Variants in LAMC1 observed in about 807,000 individuals in gnomAD.
LAMC1 encodes laminin subunit gamma-1.
A neutral mutation model predicts 173.6 loss-of-function variants in LAMC1; 38 were observed. That is an observed-to-expected ratio of 0.22 (90% confidence interval 0.17 to 0.29). The LOEUF is 0.29. Ranked by LOEUF, LAMC1 falls within the 10% of genes least tolerant of loss-of-function variation. LAMC1 has a pLI of 1.00. For missense variants in LAMC1, 1,824 were observed against 2,051.8 expected, an observed-to-expected ratio of 0.89 and a Z score of 2.14; for synonymous variants, 746 against 749.1, an observed-to-expected ratio of 1.00 and a Z score of 0.07.
At chr1:183,039,700 T>G (rs1654074720) in intron 1 of LAMC1, among the ~76,000 whole-genome samples, 1 of 152,198 alleles carries the variant, frequency 6.6e-6, no homozygotes, top group South Asian at 2.1e-4. Flanking sequence ...ATGTCCACTT[T>G]AGAGCTTTTA....
chr1:183,103,820 G>C (rs1455129956), intron 2 of LAMC1, among the ~76,000 whole-genome samples, 188 bp downstream of exon 2: 1 of 152,164 alleles, frequency 6.6e-6, no homozygotes, highest in Non-Finnish European at 1.5e-5. Flanking sequence ...AAGTAGTTTT[G>C]TTCCTGCTGC....
At chr1:183,129,929 C>G (rs1027127408) in intron 18 of LAMC1, among the ~76,000 whole-genome samples, 1 of 152,044 alleles carries the variant, frequency 6.6e-6, no homozygotes, top group African/African-American at 2.4e-5. Context: ...CTAGTTTTTT[C>G]TGGGTTTTGA....
chr1:183,126,989 C>G (rs952495268), intron 16 of LAMC1, among the ~76,000 whole-genome samples: 4 of 152,182 alleles, frequency 2.6e-5, no homozygotes, highest in Non-Finnish European at 1.5e-5. Context: ...GCTAAGTAAC[C>G]TGAAGTGTGT....
chr1:183,049,758 C>G (rs931993265), intron 1 of LAMC1, among the ~76,000 whole-genome samples: 3 of 151,960 alleles, frequency 2.0e-5, no homozygotes, highest in Middle Eastern at 3.4e-3. Context: ...GCCACCATGC[C>G]AAGCCAAAAG....
At chr1:183,115,339 G>C (rs1255333102) in intron 5 of LAMC1, among the ~76,000 whole-genome samples, 181 bp from the exon 6 acceptor site, 7 of 152,128 alleles carry the variant, frequency 4.6e-5, no homozygotes, top group Non-Finnish European at 8.8e-5. Context: ...GACTTAAAGG[G>C]TCATGATTTT....
chr1:183,117,687 C>G lies in LAMC1; in HGVS notation c.1841C>G (p.Ser614Cys), dbSNP rs1252245313. Reference sequence around the variant, plus strand: ...GTACCCTTGATCGCTCAGGGCAATTCCTATCCAAGTGAGACCACTGTGAAG... The same window carrying G: ...GTACCCTTGATCGCTCAGGGCAATTGCTATCCAAGTGAGACCACTGTGAAG... ...VSVPLIAQGN[S>C]YPSETTVKYV... is the part of the protein sequence containing the mutation. The change falls in exon 10 of 28, where the codon TCC (serine) becomes TGC (cysteine). Residue 614 changes from serine to cysteine, a missense_variant. Coordinates refer to ENST00000258341, the MANE Select transcript of LAMC1 (RefSeq NM_002293.4). 1 of 1,614,070 alleles carries G rather than the reference C, an allele frequency of 6.2e-7. No individual in the cohort carries two copies. Among genetic ancestry groups the G allele is most frequent in the Non-Finnish European group, 8.5e-7 (1 of 1,180,040 alleles).
chr1:183,116,737 A>T (rs1169952810), intron 7 of LAMC1, 30 bp from the exon 8 acceptor site: 2 of 1,611,800 alleles, frequency 1.2e-6, no homozygotes, highest in Admixed American at 1.7e-5. Flanking sequence ...GTAAAAAAAA[A>T]GTAACTGATT....
chr1:183,064,540 T>C (rs1374022149), intron 1 of LAMC1, among the ~76,000 whole-genome samples: 1 of 152,176 alleles, frequency 6.6e-6, no homozygotes, highest in African/African-American at 2.4e-5. Context: ...AAAAGATTAA[T>C]AAAAACAAGT....
chr1:183,044,736 A>C (rs531292760), intron 1 of LAMC1, among the ~76,000 whole-genome samples: 9 of 152,098 alleles, frequency 5.9e-5, no homozygotes, highest in African/African-American at 2.2e-4. Flanking sequence ...ACTTTCCTTT[A>C]AGAACTGGAA....
chr1:183,031,961 C>T (rs1653860735), intron 1 of LAMC1, among the ~76,000 whole-genome samples: 1 of 151,608 alleles, frequency 6.6e-6, no homozygotes, highest in Admixed American at 6.6e-5. Flanking sequence ...TGTAAAAGGG[C>T]CCTGCTGGAA....
intron 1 of LAMC1, among the ~76,000 whole-genome samples, chr1:183,032,213 T>C (rs966835422): frequency 2.0e-5 from 3 of 152,188 alleles, no homozygotes; most frequent in Admixed American, 6.5e-5. Context: ...TACATATTCA[T>C]GAAATAAAAT....
intron 1 of LAMC1, among the ~76,000 whole-genome samples, chr1:183,026,021 A>G (rs1045869623): frequency 3.3e-5 from 5 of 152,228 alleles, no homozygotes; most frequent in African/African-American, 1.2e-4. Flanking sequence ...GGAGGCAGAT[A>G]TGTTAACTTT....
chr1:183,125,290 C>A, intron 14 of LAMC1, 107 bp from the exon 15 acceptor site: 1 of 1,223,932 alleles, frequency 8.2e-7, no homozygotes, highest in South Asian at 1.3e-5. Context: ...GTGACAGCAG[C>A]TACCAACCTG....
chr1:183,138,089 A>T lies in LAMC1; in HGVS notation c.4473+262A>T, dbSNP rs144197763. The T allele has an allele frequency of 1.1e-3, 402 of 366,242 alleles. 2 individuals carry two copies. Among genetic ancestry groups the T allele is most frequent in the African/African-American group, 8.1e-3 (368 of 45,498 alleles). 22.7% of individuals were successfully genotyped at this position (366,242 alleles called of 1,614,324 possible). On this transcript the variant is annotated intron_variant, in intron 26 of 27. Coordinates refer to ENST00000258341, the MANE Select transcript of LAMC1 (RefSeq NM_002293.4). ...CTTTACACGTTTGAGGTTTTAGGAC[A>T]TTAAAAGTATGTGTTTATATTTTTC...
chr1:183,053,246 G>T (rs1654483090), intron 1 of LAMC1, among the ~76,000 whole-genome samples: 1 of 152,038 alleles, frequency 6.6e-6, no homozygotes, highest in East Asian at 1.9e-4. Context: ...AGATATTTTC[G>T]ACTATAGCCA....
At position 183,103,409 on chromosome 1, in the gene LAMC1, G is replaced by T. The variant is rs775962847; in HGVS notation, c.500G>T (p.Arg167Leu). 3.1e-6 allele frequency: 5 copies of T among 1,614,142 alleles called. No homozygotes were observed. The highest frequency in any genetic ancestry group is 4.2e-6 in the Non-Finnish European group (5 of 1,180,020). ...AGCTTTGCCATTTACAAGCGCACAC[G>T]GGAAGACGGGCCCTGGATTCCTTAC... ...PESFAIYKRT[R>L]EDGPWIPYQY... The change falls in exon 2 of 28, where the codon CGG (arginine) becomes CTG (leucine). Residue 167 changes from arginine to leucine, a missense_variant. Transcript: ENST00000258341.
At position 183,125,387 on chromosome 1, in the gene LAMC1, C is replaced by T. The variant is rs1206119007; in HGVS notation, c.2648-10C>T. On this transcript the variant is annotated splice_polypyrimidine_tract_variant and intron_variant, in intron 14 of 27. Transcript: ENST00000258341. ...TTGTGTCTTTTGCCATCTCTGTCTTCCTGCCTTAGCCTGCAATTGCAATCT... is the reference window on the plus strand; with the variant it reads ...TTGTGTCTTTTGCCATCTCTGTCTTTCTGCCTTAGCCTGCAATTGCAATCT... The T allele has an allele frequency of 6.2e-6, 10 of 1,613,610 alleles. No individual in the cohort carries two copies. In the African/African-American group the frequency reaches 1.1e-4, roughly 17 times the overall value.
intron 1 of LAMC1, among the ~76,000 whole-genome samples, chr1:183,096,883 T>G (rs1655707377): frequency 6.6e-6 from 1 of 152,222 alleles, no homozygotes; most frequent in African/African-American, 2.4e-5. Context: ...CAATAGAAAC[T>G]AGCCCTTCAA....
Position 183,067,810 on chromosome 1 carries a change from A to T in LAMC1, c.419-35518A>T, listed in dbSNP as rs190506218. Among the ~76,000 whole-genome samples, 647 of 152,216 alleles carry T rather than the reference A, an allele frequency of 4.3e-3. 2 individuals carry two copies. Among genetic ancestry groups the T allele is most frequent in the Non-Finnish European group, 7.2e-3 (493 of 68,010 alleles). On this transcript the variant is annotated intron_variant, in intron 1 of 27. Transcript: ENST00000258341. ...TGGCCACTTGTCAATATATTTAAAA[A>T]TTTTTTTATTTTTGGCTTGTCAGTA...
Sources: allele counts gnomAD v4.1 joint callset (sites outside exome capture counted in the v4.1 genomes callset), GRCh38; gene constraint gnomAD v4.1.1; transcripts MANE v1.5; gene names NCBI Gene and HGNC (gene_info 2026-07-23, HGNC 2026-07-21).